The following GGACT variants were observed in gnomAD, a reference collection of about 807,000 sequenced individuals.
The protein encoded by GGACT is gamma-glutamylamine cyclotransferase, also known as gamma-glutamylaminecyclotransferase.
For missense variants in GGACT, 241 were observed against 233.2 expected, an observed-to-expected ratio of 1.03 and a Z score of -0.22; for synonymous variants, 118 against 115.3, an observed-to-expected ratio of 1.02 and a Z score of -0.15.
chr13:100,561,974 C>A (rs766247637), intron 2 of GGACT, among the ~76,000 whole-genome samples: 1 of 152,186 alleles, frequency 6.6e-6, no homozygotes, highest in Non-Finnish European at 1.5e-5. Flanking sequence ...AAAGGTCATG[C>A]GGCAGAGTCT....
Position 100,532,274 on chromosome 13 carries a change from C to T in GGACT, c.318G>A (p.Glu106=). The change falls in exon 3 of 3, where the codon GAG becomes GAA. Residue 106 remains glutamate (E), a synonymous_variant. Transcript: ENST00000683975. The part of the protein sequence containing the change: ...QLLEDRAPGA[E]EPPAPTAVQC... ...GCACCGCGGTGGGCGCTGGCGGCTC[C>T]TCTGCGCCCGGGGCCCGGTCCTCCA... 5 of 1,536,038 alleles carry T rather than the reference C, an allele frequency of 3.3e-6. No homozygotes were observed. Among genetic ancestry groups the T allele is most frequent in the East Asian group, 2.5e-5 (1 of 40,510 alleles).
intron 2 of GGACT, among the ~76,000 whole-genome samples, chr13:100,565,581 C>G (rs2088803698): frequency 6.6e-6 from 1 of 152,170 alleles, no homozygotes; most frequent in South Asian, 2.1e-4. Context: ...AGGTTAACCC[C>G]CCTTTCCTCC....
intron 2 of GGACT, among the ~76,000 whole-genome samples, chr13:100,544,885 C>A (rs1224988507): frequency 6.6e-6 from 1 of 152,262 alleles, no homozygotes; most frequent in Admixed American, 6.5e-5. Context: ...GATGCCAGGC[C>A]AGGGAACGAG....
intron 2 of GGACT, among the ~76,000 whole-genome samples, chr13:100,557,287 T>A (rs2153014812): frequency 6.6e-6 from 1 of 152,342 alleles, no homozygotes; most frequent in East Asian, 1.9e-4. Flanking sequence ...GGAACATTCT[T>A]TTTGAGATAA....
At chr13:100,572,838 A>G (rs1016881544) in intron 2 of GGACT, among the ~76,000 whole-genome samples, 2 of 152,202 alleles carry the variant, frequency 1.3e-5, no homozygotes, top group African/African-American at 4.8e-5. Context: ...TGCTGCCCAG[A>G]GCTGTAGCTG....
intron 1 of GGACT, among the ~76,000 whole-genome samples, chr13:100,587,955 G>A (rs1343352243): frequency 6.6e-6 from 1 of 152,232 alleles, no homozygotes; most frequent in South Asian, 2.1e-4. Context: ...GAACCCGGAA[G>A]GCAGAGGTTG....
At chr13:100,568,715 C>G (rs927382836) in intron 2 of GGACT, among the ~76,000 whole-genome samples, 7 of 152,226 alleles carry the variant, frequency 4.6e-5, no homozygotes, top group African/African-American at 1.7e-4. Context: ...TTAACTCATT[C>G]CAGCGTTAGC....
intron 2 of GGACT, among the ~76,000 whole-genome samples, chr13:100,548,703 T>C (rs1566531840): frequency 6.6e-6 from 1 of 152,182 alleles, no homozygotes; most frequent in East Asian, 1.9e-4. Flanking sequence ...GCCCTTAAAG[T>C]TTAAAATTAA....
At chr13:100,543,189 G>C (rs1490653423) in intron 2 of GGACT, among the ~76,000 whole-genome samples, 2 of 111,118 alleles carry the variant, frequency 1.8e-5, no homozygotes, top group Non-Finnish European at 3.6e-5. Context: ...ATTTTAAAAA[G>C]ACACCAGCTT....
rs933159872 is a variant in GGACT, at chr13:100,532,269, G to A, written c.323C>T (p.Pro108Leu). The change falls in exon 3 of 3, where the codon CCG becomes CTG. Residue 108 changes from proline (P) to leucine (L), a missense_variant. Coordinates refer to ENST00000683975, the MANE Select transcript of GGACT (RefSeq NM_001195087.2). ...LEDRAPGAEE[P>L]PAPTAVQCFV... ...GCACTGCACCGCGGTGGGCGCTGGC[G>A]GCTCCTCTGCGCCCGGGGCCCGGTC... 4.6e-6 allele frequency: 7 copies of A among 1,532,682 alleles called. No individual in the cohort carries two copies. Among genetic ancestry groups the A allele is most frequent in the Admixed American group, 4.0e-5 (2 of 50,190 alleles). The allele number at this position is 1,532,682 out of a possible 1,614,324, so 94.9% of individuals were successfully genotyped here.
At chr13:100,587,797 G>T (rs988330117) in intron 1 of GGACT, among the ~76,000 whole-genome samples, 1 of 152,234 alleles carries the variant, frequency 6.6e-6, no homozygotes, top group African/African-American at 2.4e-5. Context: ...GGAGGCCAAG[G>T]CGGGCGGATC....
chr13:100,532,373 C>T lies in GGACT; in HGVS notation c.219G>A (p.Arg73=), dbSNP rs2088416170. Residue 73 remains arginine (R), a synonymous_variant, in exon 3 of 3, where the codon CGG becomes CGA. Coordinates refer to ENST00000683975, the MANE Select transcript of GGACT (RefSeq NM_001195087.2). ...CGAAGTCATCCAGAAAGCGCAGCAT[C>T]CGCTCGTCTACCGCGTAGACCTCGC... ...VEGEVYAVDE[R]MLRFLDDFES... 1.3e-6 allele frequency: 2 copies of T among 1,550,460 alleles called. No homozygotes were observed. The highest frequency in any genetic ancestry group is 3.9e-5 in the Admixed American group (2 of 50,976).
At chr13:100,567,197 G>T (rs959435696) in intron 2 of GGACT, among the ~76,000 whole-genome samples, 1 of 152,184 alleles carries the variant, frequency 6.6e-6, no homozygotes, top group African/African-American at 2.4e-5. Flanking sequence ...CCACAGAGAA[G>T]TTACTCTTTT....
chr13:100,566,787 T>C (rs1874900002), intron 2 of GGACT, among the ~76,000 whole-genome samples: 1 of 152,248 alleles, frequency 6.6e-6, no homozygotes, highest in Non-Finnish European at 1.5e-5. Flanking sequence ...CATCAGGGCA[T>C]CAGCATTTGT....
At chr13:100,575,864 T>C (rs953350164) in intron 2 of GGACT, among the ~76,000 whole-genome samples, 4 of 152,206 alleles carry the variant, frequency 2.6e-5, no homozygotes, top group African/African-American at 9.6e-5. Context: ...TAATCAACTA[T>C]TCATCGACCG....
In GGACT at chr13:100,545,445, C is replaced by T. The variant is rs958372815; in HGVS notation, c.-10-12844G>A. 3.3e-5 allele frequency among the ~76,000 whole-genome samples: 5 copies of T among 152,162 alleles called. No homozygotes were observed. Among genetic ancestry groups the T allele is most frequent in the African/African-American group, 1.2e-4 (5 of 41,438 alleles). ...CCAGGGCCCCTGGAGGAGGGCACCC[C>T]CTCACTGCCCCCAAGCACTCCAGGG... On this transcript the variant is annotated intron_variant, in intron 2 of 2. Coordinates refer to ENST00000683975, the MANE Select transcript of GGACT (RefSeq NM_001195087.2). This position sits in a 1 kb window ranked among gnomAD's most constrained non-coding sequence, Gnocchi z 4.4.
At chr13:100,566,508 G>C (rs562837732) in intron 2 of GGACT, among the ~76,000 whole-genome samples, 75 of 152,326 alleles carry the variant, frequency 4.9e-4, no homozygotes, top group African/African-American at 1.6e-3. Context: ...GTGAGCCCTA[G>C]AGGCAGAACT....
intron 2 of GGACT, among the ~76,000 whole-genome samples, chr13:100,573,288 A>C (rs1284758613): frequency 1.3e-5 from 2 of 151,648 alleles, no homozygotes; most frequent in Non-Finnish European, 2.9e-5. Context: ...AAGGCCCAAT[A>C]CTCTTCCATT....
chr13:100,550,345 CACACACA>C lies in GGACT; in HGVS notation c.-10-17751_-10-17745del, dbSNP rs560192935. Among the ~76,000 whole-genome samples the C allele has an allele frequency of 2.0e-3, 97 of 47,882 alleles. 8 individuals carry two copies. The highest frequency in any genetic ancestry group is 0.021 in the Middle Eastern group (2 of 94). 31.4% of individuals were successfully genotyped at this position (47,882 alleles called of 152,430 possible). A position where few individuals can be genotyped will look rare whatever the true frequency, so the allele number is the denominator to read the frequency against. On this transcript the variant is annotated intron_variant, in intron 2 of 2. Transcript: ENST00000683975. ...ACACACACACACACACACACACACA[CACACACA>C]CACCACTGGCCCTTCTAAGGAAACT...
Sources: allele counts gnomAD v4.1 joint callset (sites outside exome capture counted in the v4.1 genomes callset), GRCh38; gene constraint gnomAD v4.1.1; non-coding constraint Gnocchi (gnomAD v3.1); transcripts MANE v1.5; gene names NCBI Gene and HGNC (gene_info 2026-07-23, HGNC 2026-07-21).